Variants in CACNA1G observed in about 807,000 individuals in gnomAD.
CACNA1G encodes voltage-dependent T-type calcium channel subunit alpha-1G.
A neutral mutation model predicts 219.4 loss-of-function variants in CACNA1G; 67 were observed. The observed-to-expected ratio is 0.31, with a 90% CI of 0.25 to 0.37. The LOEUF is 0.37. CACNA1G is among the 10% of genes least tolerant of loss of function. CACNA1G has a pLI of 1.00. For synonymous variants in CACNA1G, 1,296 were observed against 1,345.3 expected, an observed-to-expected ratio of 0.96 and a Z score of 0.80; for missense variants, 2,380 against 3,231.4, an observed-to-expected ratio of 0.74 and a Z score of 6.39.
intron 10 of CACNA1G, among the ~76,000 whole-genome samples, chr17:50,590,953 A>T (rs2044180017): frequency 6.6e-6 from 1 of 151,950 alleles, no homozygotes; most frequent in Non-Finnish European, 1.5e-5. Context: ...GCTTTAGAGG[A>T]GTTGGAAGAG....
rs1173520896 is a variant in CACNA1G, at chr17:50,616,424, A to G, written c.5021+40A>G. On this transcript the variant is annotated intron_variant, in intron 28 of 37. Coordinates refer to ENST00000359106, the MANE Select transcript of CACNA1G (RefSeq NM_018896.5). ...GGGGGTCTTGGGGACTTGCGTAGAG[A>G]TAGAAAGGAATGAGTCTCTTGGGGA... The G allele has an allele frequency of 1.5e-5, 18 of 1,171,154 alleles. No homozygotes were observed. In the Admixed American group the frequency reaches 3.2e-4, roughly 21 times the overall value. 72.5% of individuals were successfully genotyped at this position (1,171,154 alleles called of 1,614,324 possible).
intron 1 of CACNA1G, chr17:50,563,693 TCACCTTGGGAGTTGGGGAGCAGCTTC>T: frequency 6.6e-6 from 1 of 152,326 alleles, no homozygotes; most frequent in South Asian, 2.1e-4. Context: ...AGGACAGCAC[TCACCTTGGGAGTTGGGGAGCAGCTTC>T]CCCCAGGGGA....
At position 50,572,568 on chromosome 17, in the gene CACNA1G, A is replaced by G; in HGVS notation, c.761A>G (p.Asp254Gly). ...PENFSLPLSV[D>G]LERYYQTENE... ...CCATCCTGCAGCCCCCTGAGCGTGG[A>G]CCTGGAGCGCTATTACCAGACAGAG... The change falls in exon 6 of 38, where the codon GAC (aspartate) becomes GGC (glycine). Residue 254 changes from aspartate to glycine, a missense_variant. By Grantham distance (94) the Asp-to-Gly change is moderately conservative. Around this residue, in one of 17 missense-constraint regions of CACNA1G, gnomAD observed 68 missense variants for 85.3 expected, o/e 0.80. Transcript: ENST00000359106. 2.6e-6 allele frequency: 4 copies of G among 1,554,716 alleles called. No homozygotes were observed. Among genetic ancestry groups the G allele is most frequent in the Non-Finnish European group, 3.5e-6 (4 of 1,149,602 alleles).
intron 2 of CACNA1G, 44 bp from the exon 3 acceptor site, chr17:50,569,121 C>A: frequency 6.2e-7 from 1 of 1,603,316 alleles, no homozygotes; most frequent in South Asian, 1.1e-5. Context: ...AGGGTATTCC[C>A]TCACCCACGT....
intron 22 of CACNA1G, 59 bp from the exon 23 acceptor site, chr17:50,605,839 G>A (rs3744521): frequency 1.9e-6 from 3 of 1,596,888 alleles, no homozygotes; most frequent in East Asian, 2.2e-5. Flanking sequence ...GGGCTCAGGA[G>A]TCCTGGGCTT....
intron 34 of CACNA1G, among the ~76,000 whole-genome samples, chr17:50,620,372 A>G (rs2051545593): frequency 6.6e-6 from 1 of 152,228 alleles, no homozygotes; most frequent in Non-Finnish European, 1.5e-5. Context: ...TGAGAGAGAT[A>G]GAAGGCTCCA....
intron 26 of CACNA1G, among the ~76,000 whole-genome samples, chr17:50,614,147 C>A (rs1256019933): frequency 6.6e-6 from 1 of 152,186 alleles, no homozygotes. Flanking sequence ...GGGTGGGGGC[C>A]CACCCCAGGC....
At chr17:50,620,683 G>A (rs2051647193) in intron 34 of CACNA1G, among the ~76,000 whole-genome samples, 1 of 152,186 alleles carries the variant, frequency 6.6e-6, no homozygotes, top group Admixed American at 6.5e-5. Flanking sequence ...TTGGGTGGTG[G>A]GGCAGGCAGG....
At chr17:50,568,148 G>C (rs1461122453) in intron 1 of CACNA1G, among the ~76,000 whole-genome samples, 2 of 152,176 alleles carry the variant, frequency 1.3e-5, no homozygotes, top group Non-Finnish European at 2.9e-5. Flanking sequence ...TAGCAGCGGG[G>C]ACTGCAGCTG....
rs1427447277 is a variant in CACNA1G at position 50,618,101 on chromosome 17, G to C, written c.5280G>C (p.Leu1760=). ...FMLLFFIFAA[L]GVELFGDLEC... is the part of the protein sequence containing the mutation. The stretch of plus-strand genomic sequence containing the variant: ...TGTTGTTTTTCATCTTTGCAGCTCT[G>C]GGCGTGGAGCTCTTTGGAGACCTGG... Residue 1760 remains leucine (L), a synonymous_variant, in exon 31 of 38, where the codon CTG becomes CTC. Transcript: ENST00000359106. The surrounding 1 kb of genome is among the most constrained non-coding windows in gnomAD (Gnocchi z 5.3). The C allele has an allele frequency of 4.3e-6, 7 of 1,613,944 alleles. No individual in the cohort carries two copies. Among genetic ancestry groups the C allele is most frequent in the Non-Finnish European group, 5.9e-6 (7 of 1,179,866 alleles).
intron 9 of CACNA1G, among the ~76,000 whole-genome samples, chr17:50,581,412 G>C (rs897483055): frequency 6.6e-6 from 1 of 152,038 alleles, no homozygotes; most frequent in African/African-American, 2.4e-5. Flanking sequence ...GCGGGCACTG[G>C]AAAGGGTGTT....
Position 50,591,431 on chromosome 17 carries a change from G to A in CACNA1G, c.2454-4G>A, listed in dbSNP as rs2044320703. On this transcript the variant is annotated splice_region_variant and splice_polypyrimidine_tract_variant and intron_variant, in intron 10 of 37. Coordinates refer to ENST00000359106, the MANE Select transcript of CACNA1G (RefSeq NM_018896.5). ...GGGGCTCAGGCTGCCTGCCCCCTTT[G>A]CAGCGTGTGGGAGATCGTGGGCCAG... 2 of 1,553,498 alleles carry A rather than the reference G, an allele frequency of 1.3e-6. No individual in the cohort carries two copies. The highest frequency in any genetic ancestry group is 1.7e-6 in the Non-Finnish European group (2 of 1,151,404).
Position 50,599,823 on chromosome 17 carries a change from A to G in CACNA1G, c.3654A>G (p.Pro1218=). ...LARALRPDDP[P]LDGDDADDEG... ...GGGCCCTGCGGCCTGATGACCCCCC[A>G]CTGGATGGGGATGACGCCGATGACG... is the stretch of plus-strand genomic sequence containing the variant. Residue 1218 remains proline, a synonymous_variant, in exon 17 of 38, where the codon CCA becomes CCG. Coordinates refer to ENST00000359106, the MANE Select transcript of CACNA1G (RefSeq NM_018896.5). 6.2e-7 allele frequency: 1 copy of G among 1,611,132 alleles called. No homozygotes were observed.
At position 50,618,158 on chromosome 17, in the gene CACNA1G, A is replaced by C. The variant is rs1224513410; in HGVS notation, c.5305+32A>C. The C allele has an allele frequency of 6.2e-7, 1 of 1,613,058 alleles. No individual in the cohort carries two copies. Among genetic ancestry groups the C allele is most frequent in the South Asian group, 1.1e-5 (1 of 91,034 alleles). ...TGGGGTAGGGGAGGGTGGAGGAGCC[A>C]GGGCTGGAGACCAGGGGGCTCCTGG... On this transcript the variant is annotated intron_variant, in intron 31 of 37. Coordinates refer to ENST00000359106, the MANE Select transcript of CACNA1G (RefSeq NM_018896.5). This position sits in a 1 kb window ranked among gnomAD's most constrained non-coding sequence, Gnocchi z 5.3.
intron 9 of CACNA1G, among the ~76,000 whole-genome samples, chr17:50,589,843 G>A (rs185036185): frequency 6.6e-5 from 10 of 151,988 alleles, no homozygotes; most frequent in African/African-American, 2.4e-4. Flanking sequence ...GGGTGTCTGC[G>A]TGTCTTCCTT....
In CACNA1G at chr17:50,602,857, C is replaced by T; in HGVS notation, c.3953C>T (p.Thr1318Ile). The T allele has an allele frequency of 6.2e-7, 1 of 1,613,926 alleles. No homozygotes were observed. Among genetic ancestry groups the T allele is most frequent in the South Asian group, 1.1e-5 (1 of 91,072 alleles). ...IFLTLSNYIF[T>I]AVFLAEMTVK... is the part of the protein sequence containing the mutation. ...CTGACCCTCTCCAATTACATCTTCA[C>T]CGCAGTCTTTCTGGCTGAAATGACA... Residue 1318 changes from threonine (T) to isoleucine (I), a missense_variant, in exon 20 of 38, where the codon ACC becomes ATC. Coordinates refer to ENST00000359106, the MANE Select transcript of CACNA1G (RefSeq NM_018896.5).
Position 50,595,015 on chromosome 17 carries a change from C to T in CACNA1G, c.2933C>T (p.Ala978Val), listed in dbSNP as rs749378678. Reference protein sequence around the residue: ...QAEEISKREDASGQLSCIQLP... With the variant: ...QAEEISKREDVSGQLSCIQLP... The stretch of plus-strand genomic sequence containing the variant: ...TAGGAAATCAGCAAACGGGAAGATG[C>T]GAGTGGACAGTTAAGCTGTATTCAG... Residue 978 changes from alanine (A) to valine (V), a missense_variant, in exon 14 of 38, where the codon GCG becomes GTG. Ala to Val is a moderately conservative substitution (Grantham distance 64). This residue lies in a region of CACNA1G where 418 missense variants were observed against 434.3 expected (regional missense o/e 0.96). Transcript: ENST00000359106. 3.2e-6 allele frequency: 5 copies of T among 1,554,258 alleles called. No individual in the cohort carries two copies. Among genetic ancestry groups the T allele is most frequent in the South Asian group, 2.4e-5 (2 of 84,344 alleles).
Position 50,600,654 on chromosome 17 carries a change from C to T in CACNA1G, c.3691-72C>T. On this transcript the variant is annotated intron_variant, in intron 17 of 37. Coordinates refer to ENST00000359106, the MANE Select transcript of CACNA1G (RefSeq NM_018896.5). This position sits in a 1 kb window ranked among gnomAD's most constrained non-coding sequence, Gnocchi z 4.1. ...GGTAGACAAGGAGTGAGGCTCGTGA[C>T]TCTGCTGAGGAGCCAGGAGCCGGGG... 7.6e-7 allele frequency: 1 copy of T among 1,311,644 alleles called. No individual in the cohort carries two copies. The highest frequency in any genetic ancestry group is 1.2e-5 in the South Asian group (1 of 83,524). The allele number at this position is 1,311,644 out of a possible 1,614,324, so 81.3% of individuals were successfully genotyped here.
chr17:50,619,073 G>A (rs1181949859), intron 33 of CACNA1G, 65 bp downstream of exon 33: 4 of 1,302,940 alleles, frequency 3.1e-6, no homozygotes, highest in Non-Finnish European at 4.1e-6. Context: ...GAGGGTGGTG[G>A]GCGGGAGCCA....
Sources: allele counts gnomAD v4.1 joint callset (sites outside exome capture counted in the v4.1 genomes callset), GRCh38; gene constraint gnomAD v4.1.1; regional missense constraint gnomAD v4.1.1; non-coding constraint Gnocchi (gnomAD v3.1); transcripts MANE v1.5; gene names NCBI Gene and HGNC (gene_info 2026-07-23, HGNC 2026-07-21).